Variants in SHLD1 observed in about 807,000 individuals in gnomAD.
SHLD1 encodes the protein RINN1-REV7-interacting novel NHEJ regulator 3.
SHLD1 carries 3 observed loss-of-function variants against 5.5 expected under a neutral mutation model. The ratio of observed to expected loss-of-function variants is 0.54; its 90% CI spans 0.25 to 1.40. The LOEUF (loss-of-function observed/expected upper bound fraction) is 1.40. Ranked by LOEUF, SHLD1 falls within the 40% of genes most tolerant of loss-of-function variation. The probability of loss-of-function intolerance (pLI) is 0.15; values close to 1 mark genes in which losing one functional copy is unlikely to be tolerated. For synonymous variants in SHLD1, 92 were observed against 94.3 expected (o/e 0.98, Z 0.14); for missense variants, 210 against 244.4 (o/e 0.86, Z 0.94).
rs1447394993 is a variant in SHLD1, at chr20:5,791,915, A to T, written c.178+18872A>T. Among the ~76,000 whole-genome samples the T allele has an allele frequency of 2.0e-5, 3 of 152,196 alleles. No homozygotes were observed. The East Asian group carries it at 5.8e-4, about 29-fold the overall frequency. ...ACCATCCTAATGGGTGTGAGGTGAT[A>T]TCTCACTCTGGTTTTGACTTGCACT... On this transcript the variant is annotated intron_variant, in intron 2 of 2. Transcript: ENST00000303142.
intron 2 of SHLD1, among the ~76,000 whole-genome samples, chr20:5,800,257 A>G (rs2087272884): frequency 6.6e-6 from 1 of 152,230 alleles, no homozygotes; most frequent in African/African-American, 2.4e-5. Flanking sequence ...GGAAGTTCAT[A>G]CAAAGTACAT....
chr20:5,857,817 A>T (rs918722180), intron 2 of SHLD1, among the ~76,000 whole-genome samples: 1 of 151,854 alleles, frequency 6.6e-6, no homozygotes, highest in South Asian at 2.1e-4. Context: ...TCTAAAAAAA[A>T]AACCAGGTGC....
intron 2 of SHLD1, among the ~76,000 whole-genome samples, chr20:5,862,454 G>A (rs1339663406): frequency 7.2e-5 from 11 of 152,316 alleles, no homozygotes; most frequent in Non-Finnish European, 1.2e-4. Flanking sequence ...GCACACGCAC[G>A]GATCTCTAGA....
chr20:5,802,219 T>G (rs536044228), intron 2 of SHLD1, among the ~76,000 whole-genome samples: 10 of 151,108 alleles, frequency 6.6e-5, no homozygotes, highest in African/African-American at 2.4e-4. Flanking sequence ...CCTTGCAATT[T>G]CCCTGACCCA....
intron 1 of SHLD1, among the ~76,000 whole-genome samples, chr20:5,757,651 G>T (rs529332919): frequency 6.6e-6 from 1 of 151,934 alleles, no homozygotes; most frequent in Admixed American, 6.6e-5. Context: ...TGCCTAGGCC[G>T]GAGTGCAGTG....
In SHLD1 at chr20:5,793,485, T is replaced by C. The variant is rs1484908247; in HGVS notation, c.178+20442T>C. The stretch of plus-strand genomic sequence containing the variant: ...TGTATAGAGATTTTAGATTCCTATA[T>C]AGTCAAGCTTATCAATCAATGCTTC... On this transcript the variant is annotated intron_variant, in intron 2 of 2. Transcript: ENST00000303142. Among the ~76,000 whole-genome samples, 8 of 152,186 alleles carry C rather than the reference T, an allele frequency of 5.3e-5. No individual in the cohort carries two copies. The East Asian group carries it at 1.5e-3, about 29-fold the overall frequency.
intron 2 of SHLD1, among the ~76,000 whole-genome samples, chr20:5,808,710 G>T (rs1455394117): frequency 6.6e-6 from 1 of 152,122 alleles, no homozygotes. Context: ...TAATGCATTT[G>T]GTGAATGAAT....
At chr20:5,839,486 A>AGATAGAT (rs2087829581) in intron 2 of SHLD1, among the ~76,000 whole-genome samples, 24 of 149,892 alleles carry the variant, frequency 1.6e-4, no homozygotes, top group Admixed American at 4.0e-4. Context: ...ATTAGATAGA[A>AGATAGAT]AGATAGATAG....
intron 2 of SHLD1, among the ~76,000 whole-genome samples, chr20:5,859,622 T>C: frequency 6.6e-6 from 1 of 152,168 alleles, no homozygotes; most frequent in East Asian, 1.9e-4. Flanking sequence ...GGCAAAGAAA[T>C]GGTGACATCC....
intron 1 of SHLD1, among the ~76,000 whole-genome samples, chr20:5,761,091 T>A (rs1257699545): frequency 6.6e-6 from 1 of 151,908 alleles, no homozygotes; most frequent in African/African-American, 2.4e-5. Context: ...AAACAATGAG[T>A]TCATGTCCTT....
intron 2 of SHLD1, among the ~76,000 whole-genome samples, chr20:5,808,400 A>C (rs1251252170): frequency 3.3e-5 from 5 of 152,210 alleles, no homozygotes; most frequent in Non-Finnish European, 5.9e-5. Flanking sequence ...ACATACATAC[A>C]TATGTACATG....
At position 5,805,844 on chromosome 20, in the gene SHLD1, G is replaced by A. The variant is rs540541347; in HGVS notation, c.178+32801G>A. On this transcript the variant is annotated intron_variant, in intron 2 of 2. Coordinates refer to ENST00000303142, the MANE Select transcript of SHLD1 (RefSeq NM_152504.4). ...TCAAACTCCCAACCTCAGGTGATCC[G>A]CCCTCCTTGGCCTCCCAAAGTGCTG... Among the ~76,000 whole-genome samples the A allele has an allele frequency of 4.6e-5, 7 of 152,114 alleles. 1 individual carries two copies. In the South Asian group the frequency reaches 1.0e-3, roughly 23 times the overall value.
intron 2 of SHLD1, among the ~76,000 whole-genome samples, chr20:5,785,523 C>T (rs543430084): frequency 1.3e-5 from 2 of 152,150 alleles, no homozygotes; most frequent in Non-Finnish European, 2.9e-5. Context: ...AGGCCAGGCA[C>T]GATGTCTCAC....
chr20:5,815,279 C>T (rs2087514821), intron 2 of SHLD1, among the ~76,000 whole-genome samples: 1 of 152,264 alleles, frequency 6.6e-6, no homozygotes, highest in South Asian at 2.1e-4. Context: ...TATAGGGCAG[C>T]CTGGGAATCA....
At chr20:5,763,963 A>G (rs984152496) in intron 1 of SHLD1, among the ~76,000 whole-genome samples, 30 of 145,634 alleles carry the variant, frequency 2.1e-4, no homozygotes, top group African/African-American at 6.8e-4. Flanking sequence ...AAAAAAAAAA[A>G]AAAAAATAGA....
chr20:5,764,126 C>T (rs1248485117), intron 1 of SHLD1, among the ~76,000 whole-genome samples: 3 of 53,242 alleles, frequency 5.6e-5, no homozygotes, highest in South Asian at 1.1e-3. Flanking sequence ...GGCTCTGTCT[C>T]AAAAAAAAAA....
chr20:5,844,183 C>T (rs751771642), intron 2 of SHLD1, among the ~76,000 whole-genome samples: 1 of 152,120 alleles, frequency 6.6e-6, no homozygotes. Context: ...TTGTCTTGCC[C>T]GTTTAATTCA....
chr20:5,843,603 A>G (rs1383773110), intron 2 of SHLD1, among the ~76,000 whole-genome samples: 1 of 152,104 alleles, frequency 6.6e-6, no homozygotes, highest in Non-Finnish European at 1.5e-5. Flanking sequence ...ACACCAGCTC[A>G]GGGTTTGCAG....
At chr20:5,829,012 T>G (rs1338171070) in intron 2 of SHLD1, among the ~76,000 whole-genome samples, 2 of 152,188 alleles carry the variant, frequency 1.3e-5, no homozygotes, top group Non-Finnish European at 2.9e-5. Context: ...TAGCCGAGAC[T>G]ACAGGCATGC....
Sources: gnomAD v4.1 joint callset for allele counts (sites outside exome capture counted in the v4.1 genomes callset) on GRCh38, gnomAD v4.1.1 for gene constraint, MANE v1.5 for transcripts, NCBI Gene and HGNC (gene_info 2026-07-23, HGNC 2026-07-21) for gene names.